Variants in ASAP1 observed in about 807,000 individuals in gnomAD.
ASAP1 encodes ArfGAP with SH3 domain, ankyrin repeat and PH domain 1.
A neutral mutation model predicts 145.2 loss-of-function variants in ASAP1; 43 were observed. That is an observed-to-expected ratio of 0.30 (90% CI 0.23 to 0.38). The LOEUF (loss-of-function observed/expected upper bound fraction) is 0.38. ASAP1 is among the 10% of genes least tolerant of loss of function. ASAP1 has a pLI of 1.00. For synonymous variants in ASAP1, 546 were observed against 515.5 expected (o/e 1.06, Z -0.80); for missense variants, 1,018 against 1,355.3 (o/e 0.75, Z 3.91).
At chr8:130,429,114 C>A (rs1369574766) in intron 1 of ASAP1, among the ~76,000 whole-genome samples, 1 of 152,156 alleles carries the variant, frequency 6.6e-6, no homozygotes, top group South Asian at 2.1e-4. Context: ...TGCATATCTG[C>A]CTCTAGGTCC....
At chr8:130,258,837 G>A (rs1819723631) in intron 3 of ASAP1, among the ~76,000 whole-genome samples, 1 of 152,150 alleles carries the variant, frequency 6.6e-6, no homozygotes, top group Admixed American at 6.5e-5. Context: ...GTGGTTGACT[G>A]ATTTGCTGAT....
intron 24 of ASAP1, among the ~76,000 whole-genome samples, chr8:130,099,700 T>TTTTG (rs35874860): frequency 1.1e-3 from 140 of 125,126 alleles, no homozygotes; most frequent in South Asian, 5.6e-3. Flanking sequence ...TTTTTTTTTT[T>TTTTG]GAGACAGAGT....
chr8:130,304,614 A>C (rs1271352167), intron 3 of ASAP1, among the ~76,000 whole-genome samples: 1 of 152,166 alleles, frequency 6.6e-6, no homozygotes. Flanking sequence ...GTATGTGACA[A>C]TCTCATGTTT....
intron 29 of ASAP1, among the ~76,000 whole-genome samples, chr8:130,056,903 G>T (rs1256050640): frequency 6.6e-6 from 1 of 152,134 alleles, no homozygotes; most frequent in African/African-American, 2.4e-5. Context: ...AGTTCCCATC[G>T]GGAGACTTAC....
intron 2 of ASAP1, among the ~76,000 whole-genome samples, chr8:130,388,662 C>A (rs902869985): frequency 6.6e-6 from 1 of 152,154 alleles, no homozygotes; most frequent in East Asian, 1.9e-4. Flanking sequence ...GAAATCCAAG[C>A]CGGCTTGGTG....
intron 5 of ASAP1, among the ~76,000 whole-genome samples, chr8:130,189,265 T>C (rs1036476922): frequency 2.8e-4 from 43 of 152,308 alleles, no homozygotes; most frequent in African/African-American, 8.9e-4. Flanking sequence ...GTGTTACTTC[T>C]ATCTAACTGT....
intron 28 of ASAP1, among the ~76,000 whole-genome samples, chr8:130,059,275 C>T (rs369650873): frequency 4.5e-4 from 68 of 152,042 alleles, no homozygotes; most frequent in African/African-American, 1.5e-3. Flanking sequence ...GCAATCTTCC[C>T]GCCTTAGCCT....
chr8:130,279,847 G>A (rs1471729767), intron 3 of ASAP1, among the ~76,000 whole-genome samples: 3 of 152,146 alleles, frequency 2.0e-5, no homozygotes, highest in East Asian at 1.9e-4. Context: ...TAACTAAAGC[G>A]ACCCTGAGCT....
At chr8:130,179,422 G>T in intron 8 of ASAP1, 73 bp from the exon 9 acceptor site, 1 of 880,548 alleles carries the variant, frequency 1.1e-6, no homozygotes, top group East Asian at 2.5e-5. Context: ...TCAGGTGGCT[G>T]AACATCACCC....
intron 29 of ASAP1, among the ~76,000 whole-genome samples, chr8:130,056,045 AG>A (rs919708102): frequency 6.2e-4 from 94 of 152,242 alleles, no homozygotes; most frequent in African/African-American, 2.0e-3. Context: ...CATTCCCCGC[AG>A]GTATCTCTGC....
chr8:130,235,208 T>C (rs1413741817), intron 4 of ASAP1, among the ~76,000 whole-genome samples: 1 of 152,290 alleles, frequency 6.6e-6, no homozygotes, highest in Non-Finnish European at 1.5e-5. Flanking sequence ...ATTATATGTA[T>C]ACTATGGTTT....
chr8:130,420,765 A>G (rs1829687939), intron 1 of ASAP1, among the ~76,000 whole-genome samples: 1 of 151,974 alleles, frequency 6.6e-6, no homozygotes, highest in Non-Finnish European at 1.5e-5. Context: ...GTAGTGGTGC[A>G]CACCTGTAAT....
intron 25 of ASAP1, among the ~76,000 whole-genome samples, chr8:130,087,788 G>A (rs185416209): frequency 6.6e-6 from 1 of 152,282 alleles, no homozygotes; most frequent in Non-Finnish European, 1.5e-5. Flanking sequence ...AAAAAATAGA[G>A]AGCTGCTGAC....
chr8:130,251,628 C>T (rs1161430974), intron 3 of ASAP1, among the ~76,000 whole-genome samples: 4 of 151,828 alleles, frequency 2.6e-5, no homozygotes, highest in African/African-American at 9.7e-5. Flanking sequence ...GGGAAAAATA[C>T]AACAAAAATC....
intron 3 of ASAP1, among the ~76,000 whole-genome samples, chr8:130,337,072 C>G (rs1340021): frequency 0.62 from 94,495 of 152,014 alleles, 30,190 homozygotes; most frequent in African/African-American, 0.76. Flanking sequence ...AAATAGCTAA[C>G]CCAGTCAGGA....
chr8:130,120,225 G>C (rs1252629851), intron 18 of ASAP1, among the ~76,000 whole-genome samples: 2 of 152,232 alleles, frequency 1.3e-5, no homozygotes, highest in African/African-American at 2.4e-5. Flanking sequence ...AGGACTTCCA[G>C]TAACCAAAAG....
intron 9 of ASAP1, among the ~76,000 whole-genome samples, chr8:130,177,135 A>T (rs918087169): frequency 6.6e-6 from 1 of 152,248 alleles, no homozygotes; most frequent in Non-Finnish European, 1.5e-5. Flanking sequence ...AACTGGGCAC[A>T]GTAGCTGATC....
chr8:130,261,787 G>A (rs116578766), intron 3 of ASAP1, among the ~76,000 whole-genome samples: 1,693 of 152,132 alleles, frequency 0.011, 29 homozygotes, highest in African/African-American at 0.039. Context: ...GACCTGGGGC[G>A]GAGAGATTCT....
intron 24 of ASAP1, among the ~76,000 whole-genome samples, chr8:130,107,769 G>A (rs1473334223): frequency 6.6e-6 from 1 of 151,812 alleles, no homozygotes. Flanking sequence ...GGCTGGTCTC[G>A]AACTCCTGAC....
Sources: allele counts gnomAD v4.1 joint callset (sites outside exome capture counted in the v4.1 genomes callset), GRCh38; gene constraint gnomAD v4.1.1; transcripts MANE v1.5; gene names NCBI Gene and HGNC (gene_info 2026-07-23, HGNC 2026-07-21).